WDPCP: variants seen among roughly 807,000 people sequenced by gnomAD.
WDPCP encodes the protein WD repeat-containing and planar cell polarity effector protein fritz homolog.
In WDPCP, 71 loss-of-function variants were observed where a neutral mutation model predicts 93.1. The ratio of observed to expected loss-of-function variants is 0.76; its 90% CI spans 0.63 to 0.93. The LOEUF is 0.93. Ranked by LOEUF, WDPCP falls within the 40% of genes least tolerant of loss-of-function variation. The pLI, the probability that WDPCP is intolerant of heterozygous loss-of-function variation, is 0.00. For synonymous variants in WDPCP, 315 were observed against 315.0 expected (o/e 1.00, Z 0.00); for missense variants, 844 against 887.4 (o/e 0.95, Z 0.62).
chr2:63,251,959 C>T (rs1680763281), intron 14 of WDPCP, among the ~76,000 whole-genome samples: 1 of 151,822 alleles, frequency 6.6e-6, no homozygotes. Flanking sequence ...ACCCTGATAC[C>T]AAAACCTGGC....
intron 14 of WDPCP, among the ~76,000 whole-genome samples, chr2:63,184,403 G>T (rs1341657117): frequency 6.6e-6 from 1 of 152,012 alleles, no homozygotes; most frequent in Non-Finnish European, 1.5e-5. Context: ...TTTTTATAGG[G>T]TTCGTCTAGT....
intron 2 of WDPCP, among the ~76,000 whole-genome samples, chr2:63,760,155 T>G (rs772716016): frequency 6.6e-6 from 1 of 152,088 alleles, no homozygotes; most frequent in Non-Finnish European, 1.5e-5. Context: ...AAACACAAAT[T>G]TGAAGATAAA....
At chr2:63,468,633 A>G (rs974582076) in intron 6 of WDPCP, among the ~76,000 whole-genome samples, 44 of 152,188 alleles carry the variant, frequency 2.9e-4, no homozygotes, top group African/African-American at 1.0e-3. Flanking sequence ...AGAAATATGA[A>G]GTTGAGCAGT....
At chr2:63,354,656 G>A (rs1203528669) in intron 12 of WDPCP, among the ~76,000 whole-genome samples, 3 of 151,972 alleles carry the variant, frequency 2.0e-5, no homozygotes, top group East Asian at 1.9e-4. Context: ...ACATATATGT[G>A]TGTGTATATA....
At chr2:63,164,498 G>T (rs1672830400) in intron 15 of WDPCP, among the ~76,000 whole-genome samples, 1 of 152,074 alleles carries the variant, frequency 6.6e-6, no homozygotes, top group Non-Finnish European at 1.5e-5. Context: ...TATTCCTCCT[G>T]CTCTGACCAT....
intron 14 of WDPCP, among the ~76,000 whole-genome samples, chr2:63,211,906 A>C (rs1676849010): frequency 6.6e-6 from 1 of 152,212 alleles, no homozygotes; most frequent in South Asian, 2.1e-4. Context: ...GAGCGAGAAG[A>C]GAAGTTCAGA....
intron 6 of WDPCP, among the ~76,000 whole-genome samples, chr2:63,480,684 T>C (rs141277442): frequency 0.012 from 1,783 of 152,212 alleles, 18 homozygotes; most frequent in Non-Finnish European, 0.017. Flanking sequence ...GCAAGCCACA[T>C]GTAGAAGAAT....
At chr2:63,700,799 A>C (rs1021131372) in intron 2 of WDPCP, among the ~76,000 whole-genome samples, 3 of 152,194 alleles carry the variant, frequency 2.0e-5, no homozygotes, top group African/African-American at 7.2e-5. Flanking sequence ...AAAGGCACTG[A>C]AAAAACTGGA....
intron 10 of WDPCP, among the ~76,000 whole-genome samples, chr2:63,392,307 T>C (rs1285812252): frequency 7.9e-5 from 12 of 152,180 alleles, no homozygotes; most frequent in Admixed American, 7.2e-4. Flanking sequence ...ATTTAATAAA[T>C]GGTGCTGGGA....
At chr2:63,684,271 C>A in intron 2 of WDPCP, 1 of 534,992 alleles carries the variant, frequency 1.9e-6, no homozygotes, top group African/African-American at 2.0e-5. Context: ...TAAGAAACGC[C>A]CTTTTTGCTG....
intron 6 of WDPCP, among the ~76,000 whole-genome samples, chr2:63,468,538 T>C (rs1213316624): frequency 1.3e-5 from 2 of 152,202 alleles, no homozygotes; most frequent in Non-Finnish European, 2.9e-5. Context: ...CATGATATGT[T>C]AGTTAGAAAT....
chr2:63,394,055 C>G (rs1007683135), intron 10 of WDPCP, among the ~76,000 whole-genome samples: 1 of 151,978 alleles, frequency 6.6e-6, no homozygotes, highest in Admixed American at 6.6e-5. Flanking sequence ...TGTGACAAAA[C>G]CAAACATTGA....
chr2:63,578,393 C>A (rs1184669209), intron 1 of WDPCP, among the ~76,000 whole-genome samples: 1 of 152,188 alleles, frequency 6.6e-6, no homozygotes, highest in South Asian at 2.1e-4. Flanking sequence ...GAACAGGATG[C>A]AAATCCATAT....
chr2:63,207,072 T>G (rs534392953), intron 14 of WDPCP, among the ~76,000 whole-genome samples: 113 of 152,326 alleles, frequency 7.4e-4, no homozygotes, highest in African/African-American at 2.6e-3. Flanking sequence ...TGGAATCATA[T>G]AGTATTTACC....
At chr2:63,606,956 A>G (rs1208635161) in intron 3 of WDPCP, 1 of 1,612,720 alleles carries the variant, frequency 6.2e-7, no homozygotes, top group African/African-American at 1.3e-5. Context: ...GAAGAAAAAG[A>G]AAGTGCTTTT....
intron 14 of WDPCP, among the ~76,000 whole-genome samples, chr2:63,196,124 C>T (rs955777713): frequency 5.9e-5 from 9 of 152,178 alleles, no homozygotes; most frequent in Non-Finnish European, 1.3e-4. Flanking sequence ...ATATTTAGTG[C>T]AATACCAGAA....
intron 2 of WDPCP, among the ~76,000 whole-genome samples, chr2:63,727,990 TC>T (rs1669514254): frequency 6.6e-6 from 1 of 152,070 alleles, no homozygotes. Flanking sequence ...TAAAAGATCT[TC>T]CCCCTCAGTA....
At chr2:63,281,919 A>G (rs934136812) in intron 13 of WDPCP, among the ~76,000 whole-genome samples, 1 of 152,166 alleles carries the variant, frequency 6.6e-6, no homozygotes, top group African/African-American at 2.4e-5. Context: ...AGAAATCACC[A>G]CTAAAGAACT....
intron 2 of WDPCP, chr2:63,684,670 C>T: frequency 1.5e-6 from 1 of 682,468 alleles, no homozygotes; most frequent in South Asian, 1.4e-5. Context: ...AAGAGAGATA[C>T]AAGATAGGCA....
Sources: allele counts gnomAD v4.1 joint callset (sites outside exome capture counted in the v4.1 genomes callset), GRCh38; gene constraint gnomAD v4.1.1; transcripts MANE v1.5; gene names NCBI Gene and HGNC (gene_info 2026-07-23, HGNC 2026-07-21).